The following MSANTD4 variants were observed in gnomAD, a reference collection of about 807,000 sequenced individuals.
MSANTD4 encodes myb/SANT-like DNA-binding domain-containing protein 4.
In MSANTD4, 13 loss-of-function variants were observed where a neutral mutation model predicts 34.3. That is an observed-to-expected ratio of 0.38 (90% CI 0.25 to 0.60). The LOEUF (loss-of-function observed/expected upper bound fraction) is 0.60. MSANTD4 is among the 20% of genes least tolerant of loss of function. MSANTD4 has a pLI of 0.63. For synonymous variants in MSANTD4, 137 were observed against 145.2 expected, an observed-to-expected ratio of 0.94 and a Z score of 0.41; for missense variants, 358 against 401.8, an observed-to-expected ratio of 0.89 and a Z score of 0.93.
At chr11:106,018,330 T>C (rs894426774) in intron 1 of MSANTD4, among the ~76,000 whole-genome samples, 3 of 152,154 alleles carry the variant, frequency 2.0e-5, no homozygotes, top group East Asian at 1.9e-4. Context: ...AAGAACCCAA[T>C]AGAACATGTA....
intron 1 of MSANTD4, among the ~76,000 whole-genome samples, chr11:106,013,024 C>T (rs1276558214): frequency 2.0e-5 from 3 of 152,110 alleles, no homozygotes; most frequent in Admixed American, 1.3e-4. Context: ...CCAAAAAGGT[C>T]CCAGTGTCTC....
intron 2 of MSANTD4, 108 bp from the exon 3 acceptor site, chr11:106,010,218 T>C: frequency 1.7e-6 from 2 of 1,194,876 alleles, no homozygotes; most frequent in South Asian, 3.4e-5. Context: ...AATACTTAAT[T>C]TGAATTTTGA....
At position 106,009,045 on chromosome 11, in the gene MSANTD4, G is replaced by A. The variant is rs1176065018; in HGVS notation, c.*490C>T. On this transcript the variant is annotated 3_prime_UTR_variant, in exon 3 of 3. Transcript: ENST00000301919. Reference sequence around the variant, plus strand: ...CTATAGAGGTACACAGTTAGGCTAGGACAGGGTTTCTCAACCTCAGGACTA... The same window carrying A: ...CTATAGAGGTACACAGTTAGGCTAGAACAGGGTTTCTCAACCTCAGGACTA... The A allele has an allele frequency of 1.3e-5, 2 of 154,078 alleles. No individual in the cohort carries two copies. Among genetic ancestry groups the A allele is most frequent in the East Asian group, 3.8e-4 (2 of 5,220 alleles). The allele number at this position is 154,078 out of a possible 1,614,324, so 9.5% of individuals were successfully genotyped here.
chr11:106,011,316 C>A (rs1487095066), intron 1 of MSANTD4, among the ~76,000 whole-genome samples: 1 of 152,174 alleles, frequency 6.6e-6, no homozygotes, highest in Non-Finnish European at 1.5e-5. Context: ...TACTTCAGCT[C>A]CTTCTCCCAC....
At chr11:106,019,062 T>C (rs1462416985) in intron 1 of MSANTD4, among the ~76,000 whole-genome samples, 1 of 152,230 alleles carries the variant, frequency 6.6e-6, no homozygotes, top group African/African-American at 2.4e-5. Context: ...TTGCTCTTCC[T>C]CTCTTCCTAT....
Position 106,010,795 on chromosome 11 carries a change from A to G in MSANTD4, c.123T>C (p.Asn41=), listed in dbSNP as rs747973589. Residue 41 remains asparagine, a synonymous_variant, in exon 2 of 3, where the codon AAT becomes AAC. Coordinates refer to ENST00000301919, the MANE Select transcript of MSANTD4 (RefSeq NM_032424.3). Reference sequence around the variant, plus strand: ...CTTCCCAAGCCATTCGCTTCATCACATTAATTGTTGTATTGAGCTGCTTGG... The same window carrying G: ...CTTCCCAAGCCATTCGCTTCATCACGTTAATTGTTGTATTGAGCTGCTTGG... ...IFSKQLNTTI[N]VMKRMAWEEI... The G allele has an allele frequency of 5.0e-6, 8 of 1,614,130 alleles. No homozygotes were observed. The highest frequency in any genetic ancestry group is 6.8e-6 in the Non-Finnish European group (8 of 1,180,022).
At chr11:106,019,387 T>C (rs1859959827) in intron 1 of MSANTD4, among the ~76,000 whole-genome samples, 1 of 152,244 alleles carries the variant, frequency 6.6e-6, no homozygotes, top group African/African-American at 2.4e-5. Context: ...AAATGTTATT[T>C]TGAAATATAA....
intron 1 of MSANTD4, among the ~76,000 whole-genome samples, chr11:106,019,682 A>T (rs1223288838): frequency 6.6e-6 from 1 of 152,218 alleles, no homozygotes; most frequent in Non-Finnish European, 1.5e-5. Flanking sequence ...TATCAGCTTT[A>T]TTACACCACT....
chr11:106,009,301 T>A lies in MSANTD4; in HGVS notation c.*234A>T. 2.3e-6 allele frequency: 1 copy of A among 441,592 alleles called. No homozygotes were observed. Among genetic ancestry groups the A allele is most frequent in the Non-Finnish European group, 4.0e-6 (1 of 250,172 alleles). 27.4% of individuals were successfully genotyped at this position (441,592 alleles called of 1,614,324 possible). ...TGGGTACACAGACAATACAAGACTC[T>A]ATGTAATATTATAAGGTAAAGAGTC... On this transcript the variant is annotated 3_prime_UTR_variant, in exon 3 of 3. Transcript: ENST00000301919.
chr11:106,020,013 CAT>C (rs1859982229), intron 1 of MSANTD4, among the ~76,000 whole-genome samples: 1 of 152,188 alleles, frequency 6.6e-6, no homozygotes, highest in Non-Finnish European at 1.5e-5. Flanking sequence ...ATGCCTAAGA[CAT>C]AGTAAGCCCA....
At chr11:106,012,052 C>CA (rs897964840) in intron 1 of MSANTD4, among the ~76,000 whole-genome samples, 1 of 142,124 alleles carries the variant, frequency 7.0e-6, no homozygotes, top group African/African-American at 2.6e-5. Flanking sequence ...AAAGGGGTAA[C>CA]AAAAAAATGG....
intron 2 of MSANTD4, 27 bp from the exon 3 acceptor site, chr11:106,010,137 C>A (rs1859651274): frequency 6.6e-7 from 1 of 1,517,712 alleles, no homozygotes; most frequent in Non-Finnish European, 8.8e-7. Flanking sequence ...AAGCAATTTT[C>A]AGTATTGACT....
intron 1 of MSANTD4, among the ~76,000 whole-genome samples, chr11:106,013,340 A>G (rs1023211270): frequency 7.2e-5 from 11 of 152,210 alleles, no homozygotes; most frequent in African/African-American, 2.4e-4. Context: ...TTTTCCTGTC[A>G]ATATGAAAAA....
At position 106,009,313 on chromosome 11, in the gene MSANTD4, T is replaced by G. The variant is rs1484884350; in HGVS notation, c.*222A>C. On this transcript the variant is annotated 3_prime_UTR_variant, in exon 3 of 3. Coordinates refer to ENST00000301919, the MANE Select transcript of MSANTD4 (RefSeq NM_032424.3). ...CAATACAAGACTCTATGTAATATTATAAGGTAAAGAGTCCAGCACAGTAAG... is the reference window on the plus strand; with the variant it reads ...CAATACAAGACTCTATGTAATATTAGAAGGTAAAGAGTCCAGCACAGTAAG... 6 of 479,444 alleles carry G rather than the reference T, an allele frequency of 1.3e-5. No homozygotes were observed. The highest frequency in any genetic ancestry group is 2.2e-5 in the Non-Finnish European group (6 of 272,854). 29.7% of individuals were successfully genotyped at this position (479,444 alleles called of 1,614,324 possible).
intron 1 of MSANTD4, among the ~76,000 whole-genome samples, chr11:106,016,647 T>C (rs528350976): frequency 9.2e-5 from 14 of 152,306 alleles, no homozygotes; most frequent in African/African-American, 2.9e-4. Flanking sequence ...GAAGTTTCCA[T>C]AGGCACACAA....
At chr11:106,011,139 A>G in intron 1 of MSANTD4, 72 bp from the exon 2 acceptor site, 1 of 672,136 alleles carries the variant, frequency 1.5e-6, no homozygotes, top group Non-Finnish European at 2.3e-6. Context: ...AATGAACTAT[A>G]TAATTTTTAA....
chr11:106,014,545 T>C (rs1340551375), intron 1 of MSANTD4, among the ~76,000 whole-genome samples: 1 of 152,230 alleles, frequency 6.6e-6, no homozygotes, highest in Non-Finnish European at 1.5e-5. Context: ...GAAGCAAAAA[T>C]ATAGCAATTA....
rs754146516 is a variant in MSANTD4 at position 106,009,970 on chromosome 11, A to G, written c.603T>C (p.Pro201=). The change falls in exon 3 of 3, where the codon CCT becomes CCC. Residue 201 remains proline, a synonymous_variant. Coordinates refer to ENST00000301919, the MANE Select transcript of MSANTD4 (RefSeq NM_032424.3). ...STPSRSAYDE[P]HLLVNIEKQK... ...GTTTCTCAATATTTACGAGCAAATG[A>G]GGCTCATCATATGCAGATCTAGATG... 9 of 1,611,958 alleles carry G rather than the reference A, an allele frequency of 5.6e-6. No individual in the cohort carries two copies. The highest frequency in any genetic ancestry group is 5.5e-5 in the South Asian group (5 of 91,072).
intron 1 of MSANTD4, among the ~76,000 whole-genome samples, chr11:106,013,304 A>G (rs1026410357): frequency 6.6e-6 from 1 of 152,194 alleles, no homozygotes; most frequent in African/African-American, 2.4e-5. Flanking sequence ...GATCCCTTCC[A>G]GCTCTATCAC....
Sources: allele counts gnomAD v4.1 joint callset (sites outside exome capture counted in the v4.1 genomes callset), GRCh38; gene constraint gnomAD v4.1.1; transcripts MANE v1.5; gene names NCBI Gene and HGNC (gene_info 2026-07-23, HGNC 2026-07-21).